GAB2: variants seen among roughly 807,000 people sequenced by gnomAD.
GAB2 encodes GRB2 associated binding protein 2.
A neutral mutation model predicts 65.5 loss-of-function variants in GAB2; 26 were observed. That is an observed-to-expected ratio of 0.40 (90% CI 0.29 to 0.55). GAB2 has a LOEUF of 0.55. GAB2 is among the 20% of genes least tolerant of loss of function. GAB2 has a pLI of 0.53. For synonymous variants in GAB2, 321 were observed against 329.6 expected, an observed-to-expected ratio of 0.97 and a Z score of 0.28; for missense variants, 884 against 875.8, an observed-to-expected ratio of 1.01 and a Z score of -0.12.
intron 1 of GAB2, among the ~76,000 whole-genome samples, chr11:78,394,379 C>A (rs954979589): frequency 2.0e-5 from 3 of 152,178 alleles, no homozygotes; most frequent in African/African-American, 7.2e-5. Flanking sequence ...CCTCCACAGT[C>A]CACAAAAGAA....
chr11:78,330,953 C>T (rs1211033069), intron 1 of GAB2, among the ~76,000 whole-genome samples: 1 of 151,890 alleles, frequency 6.6e-6, no homozygotes, highest in Non-Finnish European at 1.5e-5. Flanking sequence ...GTGGGCAGAT[C>T]ATTTGAGGTC....
At chr11:78,358,186 A>G (rs1473682692) in intron 1 of GAB2, among the ~76,000 whole-genome samples, 1 of 151,000 alleles carries the variant, frequency 6.6e-6, no homozygotes, top group Non-Finnish European at 1.5e-5. Flanking sequence ...TCAGTCAACT[A>G]TTGCAGGGAC....
chr11:78,354,592 C>A (rs923045167), intron 1 of GAB2, among the ~76,000 whole-genome samples: 1 of 152,058 alleles, frequency 6.6e-6, no homozygotes, highest in Non-Finnish European at 1.5e-5. Flanking sequence ...ATCATCTATG[C>A]CAAAGACCTG....
chr11:78,291,343 G>A (rs1370510266), intron 1 of GAB2, among the ~76,000 whole-genome samples: 3 of 148,858 alleles, frequency 2.0e-5, no homozygotes, highest in Non-Finnish European at 4.4e-5. Context: ...GCGAGCACCT[G>A]TAGTCCCAGC....
intron 1 of GAB2, among the ~76,000 whole-genome samples, chr11:78,293,689 C>G (rs1252552096): frequency 6.6e-6 from 1 of 152,162 alleles, no homozygotes; most frequent in Non-Finnish European, 1.5e-5. Flanking sequence ...AGCTCAGAGT[C>G]ATTAAGATTC....
At chr11:78,411,644 C>A (rs1857130270) in intron 1 of GAB2, among the ~76,000 whole-genome samples, 1 of 152,052 alleles carries the variant, frequency 6.6e-6, no homozygotes, top group Non-Finnish European at 1.5e-5. Context: ...AACAAAAGAA[C>A]CTCAATCTAA....
chr11:78,283,665 C>T (rs571695935), intron 1 of GAB2, among the ~76,000 whole-genome samples: 1 of 152,132 alleles, frequency 6.6e-6, no homozygotes, highest in South Asian at 2.1e-4. Context: ...GATAAATCAA[C>T]TCATGGGCCT....
chr11:78,393,436 C>T (rs1357884823), intron 1 of GAB2, among the ~76,000 whole-genome samples: 1 of 152,106 alleles, frequency 6.6e-6, no homozygotes, highest in Non-Finnish European at 1.5e-5. Flanking sequence ...AACTCAGTAG[C>T]AATCAAAGAA....
chr11:78,415,708 G>C (rs11237487), intron 1 of GAB2, among the ~76,000 whole-genome samples: 25,014 of 152,154 alleles, frequency 0.16, 2,773 homozygotes, highest in East Asian at 0.43. Context: ...GACTAGATTC[G>C]TTCAAATCAG....
In GAB2 at chr11:78,275,729, CAT is replaced by C. The variant is rs765750657; in HGVS notation, c.376+4870_376+4871del. On this transcript the variant is annotated intron_variant, in intron 2 of 9. Coordinates refer to ENST00000361507, the MANE Select transcript of GAB2 (RefSeq NM_080491.3). ...AAAGGCTTAAGAAAATATATAGATG[CAT>C]ATGTGTATATACATATTTCTGTGTG... is the stretch of plus-strand genomic sequence containing the variant. 2.0e-5 allele frequency among the ~76,000 whole-genome samples: 3 copies of C among 152,152 alleles called. No individual in the cohort carries two copies. The East Asian group carries it at 5.8e-4, about 29-fold the overall frequency.
chr11:78,396,766 C>A (rs1465530491), intron 1 of GAB2, among the ~76,000 whole-genome samples: 1 of 152,086 alleles, frequency 6.6e-6, no homozygotes. Context: ...CCCGACTAAT[C>A]TTGTATTTTT....
intron 1 of GAB2, among the ~76,000 whole-genome samples, chr11:78,392,661 A>C (rs1283470940): frequency 6.6e-6 from 1 of 152,186 alleles, no homozygotes; most frequent in Non-Finnish European, 1.5e-5. Flanking sequence ...AGATGGGGGT[A>C]CTGGGGAGAA....
intron 1 of GAB2, among the ~76,000 whole-genome samples, chr11:78,307,604 T>TAGAGAGAGAGAGAG (rs59402607): frequency 0.019 from 2,305 of 121,798 alleles, 110 homozygotes; most frequent in African/African-American, 0.062. Context: ...CAAAAAATGT[T>TAGAGAGAGAGAGAG]AGAGAGAGAG....
intron 1 of GAB2, among the ~76,000 whole-genome samples, chr11:78,285,903 T>C (rs1302626781): frequency 6.6e-6 from 1 of 152,246 alleles, no homozygotes; most frequent in African/African-American, 2.4e-5. Context: ...ATGCTTTTTA[T>C]GTTCTTTTCA....
chr11:78,300,685 G>GTTTTTTTTTTTT, intron 1 of GAB2, among the ~76,000 whole-genome samples: 1 of 120,686 alleles, frequency 8.3e-6, no homozygotes, highest in Non-Finnish European at 1.7e-5. Context: ...TTTTTTTTTG[G>GTTTTTTTTTTTT]TTTTTTTTTG....
At chr11:78,390,510 A>T (rs577642804) in intron 1 of GAB2, among the ~76,000 whole-genome samples, 1 of 152,324 alleles carries the variant, frequency 6.6e-6, no homozygotes, top group Non-Finnish European at 1.5e-5. Context: ...AATCACTTGA[A>T]CCAGGGAGGC....
In GAB2 at chr11:78,220,325, G is replaced by A. The variant is rs1864357190; in HGVS notation, c.1881C>T (p.His627=). ...CCAACTCTACTCCAGGCACCTTGCG[G>A]TGGGGGCTTGGGGAGCTCGGCTGGA... is the stretch of plus-strand genomic sequence containing the variant. The part of the protein sequence containing the change: ...LDFQPSSPSP[H]RKPSTSSVTS... The change falls in exon 9 of 10, where the codon CAC becomes CAT. Residue 627 remains histidine (H), a synonymous_variant. Coordinates refer to ENST00000361507, the MANE Select transcript of GAB2 (RefSeq NM_080491.3). 1.2e-6 allele frequency: 2 copies of A among 1,612,488 alleles called. No homozygotes were observed. The highest frequency in any genetic ancestry group is 1.7e-6 in the Non-Finnish European group (2 of 1,179,756).
intron 1 of GAB2, among the ~76,000 whole-genome samples, chr11:78,383,827 G>A (rs1212226056): frequency 6.6e-6 from 1 of 152,124 alleles, no homozygotes; most frequent in East Asian, 1.9e-4. Flanking sequence ...TCTGGGAGGT[G>A]GAGGGATTGA....
At chr11:78,361,732 T>C (rs1043958065) in intron 1 of GAB2, among the ~76,000 whole-genome samples, 1 of 152,326 alleles carries the variant, frequency 6.6e-6, no homozygotes, top group East Asian at 1.9e-4. Flanking sequence ...GTAATCATCT[T>C]GGCAAGACTG....
Sources: allele counts gnomAD v4.1 joint callset (sites outside exome capture counted in the v4.1 genomes callset), GRCh38; gene constraint gnomAD v4.1.1; transcripts MANE v1.5; gene names NCBI Gene and HGNC (gene_info 2026-07-23, HGNC 2026-07-21).